Variants in CSMD1 observed in about 807,000 individuals in gnomAD.
CSMD1 encodes the protein CUB and sushi domain-containing protein 1.
CSMD1 carries 213 observed loss-of-function variants against 417.5 expected under a neutral mutation model. The ratio of observed to expected loss-of-function variants is 0.51; its 90% CI spans 0.46 to 0.57. The LOEUF (loss-of-function observed/expected upper bound fraction) is 0.57, where lower values mean the gene tolerates loss of function less well. Ranked by LOEUF, CSMD1 falls within the 20% of genes least tolerant of loss-of-function variation. CSMD1 has a pLI of 0.00. For missense variants in CSMD1, 6,923 were observed against 4,529.7 expected, an observed-to-expected ratio of 1.53 and a Z score of -15.17; for synonymous variants, 2,862 against 1,736.8, an observed-to-expected ratio of 1.65 and a Z score of -16.11.
chr8:4,243,227 T>G (rs1294781508), intron 3 of CSMD1, among the ~76,000 whole-genome samples: 1 of 151,132 alleles, frequency 6.6e-6, no homozygotes, highest in African/African-American at 2.5e-5. Flanking sequence ...ATTAGGAGAG[T>G]CAGGAAAGGG....
At chr8:4,975,396 G>A (rs1395392202) in intron 1 of CSMD1, among the ~76,000 whole-genome samples, 1 of 152,210 alleles carries the variant, frequency 6.6e-6, no homozygotes, top group Non-Finnish European at 1.5e-5. Flanking sequence ...CTTCCTGGCT[G>A]TAAGCGGCCT....
intron 3 of CSMD1, among the ~76,000 whole-genome samples, chr8:4,236,056 T>TTTTTTTTTTTTTG (rs1802038629): frequency 1.1e-5 from 1 of 94,070 alleles, no homozygotes; most frequent in African/African-American, 3.4e-5. Context: ...TTTTTTTTTT[T>TTTTTTTTTTTTTG]TTTTTTTTTT....
intron 3 of CSMD1, among the ~76,000 whole-genome samples, chr8:4,130,330 C>T (rs980018692): frequency 6.6e-6 from 1 of 152,136 alleles, no homozygotes; most frequent in African/African-American, 2.4e-5. Context: ...CTAAGGTCTT[C>T]TATTCCAAAG....
chr8:3,538,771 C>T (rs1171106277), intron 10 of CSMD1, among the ~76,000 whole-genome samples: 1 of 152,200 alleles, frequency 6.6e-6, no homozygotes, highest in African/African-American at 2.4e-5. Context: ...ATGTATCCTA[C>T]TCGGGAAGCC....
intron 3 of CSMD1, among the ~76,000 whole-genome samples, chr8:4,404,380 A>G (rs1563138356): frequency 6.6e-6 from 1 of 152,156 alleles, no homozygotes; most frequent in Non-Finnish European, 1.5e-5. Flanking sequence ...GTTTTGTTCA[A>G]CGCTGTATAT....
chr8:4,761,880 T>A (rs944963899), intron 1 of CSMD1, among the ~76,000 whole-genome samples: 76 of 88,338 alleles, frequency 8.6e-4, no homozygotes, highest in African/African-American at 2.9e-3. Flanking sequence ...TCTATCTATC[T>A]ATCTATCTAC....
chr8:4,766,501 T>G (rs1812474851), intron 1 of CSMD1, among the ~76,000 whole-genome samples: 2 of 152,242 alleles, frequency 1.3e-5, no homozygotes, highest in Non-Finnish European at 2.9e-5. Context: ...GTCAGGCAAC[T>G]ATGCAACGAC....
chr8:3,654,984 G>C (rs189560726), intron 7 of CSMD1, among the ~76,000 whole-genome samples: 1 of 152,288 alleles, frequency 6.6e-6, no homozygotes, highest in East Asian at 1.9e-4. Flanking sequence ...AAAATGCCAG[G>C]TGTGAAGAAA....
chr8:3,528,504 C>G (rs1031183353), intron 10 of CSMD1, among the ~76,000 whole-genome samples: 4 of 152,202 alleles, frequency 2.6e-5, no homozygotes, highest in Non-Finnish European at 5.9e-5. Context: ...CTTAGGAACC[C>G]TGTGGGCTCT....
chr8:3,992,879 C>T (rs561583588), intron 5 of CSMD1, among the ~76,000 whole-genome samples: 1 of 152,352 alleles, frequency 6.6e-6, no homozygotes, highest in East Asian at 1.9e-4. Flanking sequence ...TATTCATAAA[C>T]GATGTCACTG....
chr8:3,809,987 T>C (rs928556497), intron 5 of CSMD1, among the ~76,000 whole-genome samples: 12 of 152,200 alleles, frequency 7.9e-5, no homozygotes, highest in Non-Finnish European at 1.3e-4. Flanking sequence ...CAGGCCAAAA[T>C]AGACACCAGC....
At chr8:3,618,039 T>C (rs1008970034) in intron 7 of CSMD1, among the ~76,000 whole-genome samples, 3 of 152,170 alleles carry the variant, frequency 2.0e-5, no homozygotes, top group African/African-American at 7.2e-5. Flanking sequence ...TCTCACTCTG[T>C]TGCCCAGGTG....
rs1218773409 is a variant in CSMD1, at chr8:3,018,479, A to G, written c.8027T>C (p.Leu2676Pro). 1 of 1,613,096 alleles carries G rather than the reference A, an allele frequency of 6.2e-7. No individual in the cohort carries two copies. The highest frequency in any genetic ancestry group is 8.5e-7 in the Non-Finnish European group (1 of 1,179,430). Residue 2676 changes from leucine to proline, a missense_variant and splice_region_variant, in exon 52 of 70, where the codon CTG becomes CCG. By Grantham distance (98) the Leu-to-Pro change is moderately conservative (BLOSUM62 -3). Coordinates refer to ENST00000635120, the MANE Select transcript of CSMD1 (RefSeq NM_033225.6). ...GLWSGSETRC[L>P]AGHCGSPDPI... ...TGCCAGAACACAGATGAATTTACCC[A>G]GACATCGAGTTTCGCTGCCGCTCCA...
chr8:3,514,686 T>A (rs1410393379), intron 10 of CSMD1, among the ~76,000 whole-genome samples: 3 of 152,190 alleles, frequency 2.0e-5, no homozygotes, highest in African/African-American at 7.2e-5. Flanking sequence ...TTTGTAGGTA[T>A]CTTTTGTTAA....
chr8:4,083,548 C>T (rs750426819), intron 3 of CSMD1, among the ~76,000 whole-genome samples: 3 of 152,184 alleles, frequency 2.0e-5, no homozygotes, highest in Non-Finnish European at 2.9e-5. Context: ...ATATTTACAA[C>T]TGTCTGATCT....
chr8:4,842,753 G>A (rs141078244), intron 1 of CSMD1, among the ~76,000 whole-genome samples: 1 of 152,178 alleles, frequency 6.6e-6, no homozygotes, highest in Non-Finnish European at 1.5e-5. Flanking sequence ...TATTATGCTA[G>A]CATTGAAAAG....
chr8:3,558,830 C>A (rs1338008584), intron 10 of CSMD1, among the ~76,000 whole-genome samples: 1 of 150,482 alleles, frequency 6.6e-6, no homozygotes, highest in Admixed American at 6.6e-5. Flanking sequence ...TCCACTCCTC[C>A]AATGATGAAT....
intron 1 of CSMD1, among the ~76,000 whole-genome samples, chr8:4,769,346 T>C (rs924618786): frequency 5.3e-5 from 8 of 152,228 alleles, no homozygotes; most frequent in Admixed American, 1.3e-4. Flanking sequence ...TAAGTAAGTA[T>C]ACTATGGGTT....
At chr8:3,256,033 A>G (rs1053887566) in intron 26 of CSMD1, among the ~76,000 whole-genome samples, 3 of 152,204 alleles carry the variant, frequency 2.0e-5, no homozygotes, top group Non-Finnish European at 4.4e-5. Context: ...ATTTTTATAG[A>G]AGACAATGAC....
Sources: gnomAD v4.1 joint callset for allele counts (sites outside exome capture counted in the v4.1 genomes callset) on GRCh38, gnomAD v4.1.1 for gene constraint, MANE v1.5 for transcripts, NCBI Gene and HGNC (gene_info 2026-07-23, HGNC 2026-07-21) for gene names.